JAKMIP2: variants seen among roughly 807,000 people sequenced by gnomAD.
The protein encoded by JAKMIP2 is janus kinase and microtubule interacting protein 2.
A neutral mutation model predicts 115.0 loss-of-function variants in JAKMIP2; 25 were observed. The observed-to-expected ratio is 0.22, with a 90% CI of 0.16 to 0.30. JAKMIP2 has a LOEUF of 0.30. Ranked by LOEUF, JAKMIP2 falls within the 10% of genes least tolerant of loss-of-function variation. The pLI, the probability that JAKMIP2 is intolerant of heterozygous loss-of-function variation, is 1.00. For missense variants in JAKMIP2, 642 were observed against 957.6 expected, an observed-to-expected ratio of 0.67 and a Z score of 4.35; for synonymous variants, 334 against 343.6, an observed-to-expected ratio of 0.97 and a Z score of 0.31.
chr5:147,592,562 G>A (rs1198690255), intron 21 of JAKMIP2, among the ~76,000 whole-genome samples: 1 of 152,188 alleles, frequency 6.6e-6, no homozygotes, highest in African/African-American at 2.4e-5. Context: ...CACAGAAGAT[G>A]TGCTATGAGG....
intron 5 of JAKMIP2, among the ~76,000 whole-genome samples, chr5:147,647,767 ACATC>A (rs1392779646): frequency 6.6e-6 from 1 of 152,190 alleles, no homozygotes; most frequent in Non-Finnish European, 1.5e-5. Context: ...GATGCTGACT[ACATC>A]CATACTCTAA....
intron 1 of JAKMIP2, among the ~76,000 whole-genome samples, chr5:147,764,378 G>A (rs961398010): frequency 3.3e-5 from 5 of 151,966 alleles, no homozygotes; most frequent in African/African-American, 1.2e-4. Flanking sequence ...TGAATGTGCT[G>A]GGCTACTCTG....
intron 13 of JAKMIP2, 67 bp downstream of exon 13, chr5:147,632,613 C>A: frequency 9.9e-7 from 1 of 1,009,494 alleles, no homozygotes; most frequent in East Asian, 2.4e-5. Context: ...GCGCCTAGCT[C>A]CTCAATGTGC....
chr5:147,718,641 G>A (rs1247927274), intron 1 of JAKMIP2, among the ~76,000 whole-genome samples: 1 of 152,026 alleles, frequency 6.6e-6, no homozygotes, highest in African/African-American at 2.4e-5. Context: ...GCATAGAGGT[G>A]TTTGTAGTAT....
At chr5:147,703,375 A>C (rs12172994) in intron 1 of JAKMIP2, among the ~76,000 whole-genome samples, 31,859 of 151,976 alleles carry the variant, frequency 0.21, 4,046 homozygotes, top group African/African-American at 0.35. Context: ...AGGTACAATA[A>C]AAATACAAGA....
At chr5:147,747,978 G>T (rs1028376194) in intron 1 of JAKMIP2, among the ~76,000 whole-genome samples, 3 of 152,176 alleles carry the variant, frequency 2.0e-5, no homozygotes, top group Non-Finnish European at 4.4e-5. Flanking sequence ...GTTCTGAGGG[G>T]CCATTTTTCC....
At position 147,782,671 on chromosome 5, in the gene JAKMIP2, G is replaced by GCAGCAGCAGCAGCATCAC; in HGVS notation, c.-382_-365dup. 1.5e-6 allele frequency: 1 copy of GCAGCAGCAGCAGCATCAC among 660,294 alleles called. No individual in the cohort carries two copies. Among genetic ancestry groups the GCAGCAGCAGCAGCATCAC allele is most frequent in the Non-Finnish European group, 2.8e-6 (1 of 361,558 alleles). 40.9% of individuals were successfully genotyped at this position (660,294 alleles called of 1,614,324 possible). On this transcript the variant is annotated 5_prime_UTR_variant, in exon 1 of 22. The change creates a new upstream start codon in the 5' untranslated region. Transcript: ENST00000616793. ...AATAGAGGCGGCGGCGGCGGCAGCA[G>GCAGCAGCAGCAGCATCAC]CAGCAGCAGCAGCATCACCAGTTGG... is the stretch of plus-strand genomic sequence containing the variant.
chr5:147,629,791 C>T, intron 14 of JAKMIP2, 45 bp from the exon 15 acceptor site: 1 of 1,489,992 alleles, frequency 6.7e-7, no homozygotes, highest in East Asian at 2.3e-5. Flanking sequence ...AATGTGGCCT[C>T]CTATTCCATC....
At chr5:147,715,430 T>A (rs1469292538) in intron 1 of JAKMIP2, among the ~76,000 whole-genome samples, 1 of 151,246 alleles carries the variant, frequency 6.6e-6, no homozygotes. Context: ...TTTCTATTAA[T>A]ATACACATAT....
Position 147,645,047 on chromosome 5 carries a change from G to T in JAKMIP2, c.937-51C>A, listed in dbSNP as rs749522209. 2.5e-6 allele frequency: 4 copies of T among 1,586,906 alleles called. No homozygotes were observed. The South Asian group carries it at 4.6e-5, about 18-fold the overall frequency. On this transcript the variant is annotated intron_variant, in intron 5 of 21. Coordinates refer to ENST00000616793, the MANE Select transcript of JAKMIP2 (RefSeq NM_001270941.2). ...TGTCTTGCGTTTGGGGGACGTGGGG[G>T]CAGGGGAGTAAAGTGGTGGGAGTGA...
At chr5:147,732,452 T>C (rs1048113070) in intron 1 of JAKMIP2, among the ~76,000 whole-genome samples, 1 of 152,168 alleles carries the variant, frequency 6.6e-6, no homozygotes, top group African/African-American at 2.4e-5. Flanking sequence ...TATTCACAGC[T>C]GCTAATTATC....
intron 1 of JAKMIP2, among the ~76,000 whole-genome samples, chr5:147,762,058 G>A (rs577580658): frequency 1.3e-5 from 2 of 152,038 alleles, no homozygotes; most frequent in South Asian, 4.2e-4. Context: ...AAAAAGAAAG[G>A]AAGGAAAGGA....
Position 147,625,328 on chromosome 5 carries a change from G to A in JAKMIP2, c.1996-1639C>T, listed in dbSNP as rs148906144. On this transcript the variant is annotated intron_variant, in intron 16 of 21. Transcript: ENST00000616793. ...CCTGTGATAAATTATGCAGCACAGC[G>A]AGACTTTTATACACAACAGCCTTGA... is the stretch of plus-strand genomic sequence containing the variant. 4.1e-3 allele frequency among the ~76,000 whole-genome samples: 618 copies of A among 152,196 alleles called. 3 individuals are homozygous for A. The highest frequency in any genetic ancestry group is 0.014 in the African/African-American group (591 of 41,536).
intron 1 of JAKMIP2, among the ~76,000 whole-genome samples, chr5:147,726,264 T>A (rs1202651484): frequency 6.6e-6 from 1 of 152,078 alleles, no homozygotes; most frequent in Non-Finnish European, 1.5e-5. Context: ...CTAACTGGAG[T>A]GGCTAATGTC....
rs534217048 is a variant in JAKMIP2, at chr5:147,738,248, A to T, written c.-149+44208T>A. On this transcript the variant is annotated intron_variant, in intron 1 of 21. Coordinates refer to ENST00000616793, the MANE Select transcript of JAKMIP2 (RefSeq NM_001270941.2). ...CATTTTAGTAAAATGCACAAATACT[A>T]AACATACTAGCTTTCTTCCATCAGA... Among the ~76,000 whole-genome samples the T allele has an allele frequency of 4.9e-3, 741 of 152,256 alleles. 6 individuals are homozygous for T. The highest frequency in any genetic ancestry group is 6.6e-3 in the Non-Finnish European group (447 of 68,000).
chr5:147,699,482 C>T (rs1752240250), intron 1 of JAKMIP2, among the ~76,000 whole-genome samples: 1 of 151,858 alleles, frequency 6.6e-6, no homozygotes, highest in Non-Finnish European at 1.5e-5. Flanking sequence ...AACAGCAAGA[C>T]CTCAAGAAAA....
intron 13 of JAKMIP2, among the ~76,000 whole-genome samples, chr5:147,631,812 C>T (rs540954273): frequency 1.3e-5 from 2 of 152,260 alleles, no homozygotes; most frequent in East Asian, 3.9e-4. Flanking sequence ...TCAAATATCT[C>T]AGCGTGGTCT....
intron 1 of JAKMIP2, among the ~76,000 whole-genome samples, chr5:147,778,292 T>C (rs189350298): frequency 6.6e-5 from 10 of 152,286 alleles, no homozygotes; most frequent in Non-Finnish European, 1.5e-4. Context: ...TTTTTTTGTT[T>C]TGTTTTGCTT....
At chr5:147,763,837 G>T (rs1356380854) in intron 1 of JAKMIP2, among the ~76,000 whole-genome samples, 2 of 152,090 alleles carry the variant, frequency 1.3e-5, no homozygotes, top group African/African-American at 4.8e-5. Context: ...ATAATCAAGA[G>T]TTGGTTATAT....
Sources: gnomAD v4.1 joint callset for allele counts (sites outside exome capture counted in the v4.1 genomes callset) on GRCh38, gnomAD v4.1.1 for gene constraint, MANE v1.5 for transcripts, NCBI Gene and HGNC (gene_info 2026-07-23, HGNC 2026-07-21) for gene names.